PIEZO2: variants seen among roughly 807,000 people sequenced by gnomAD.
PIEZO2 encodes piezo-type mechanosensitive ion channel component 2.
Under a neutral mutation model 337.3 loss-of-function variants are expected in PIEZO2, and 172 were observed. The observed-to-expected ratio is 0.51, with a 90% CI of 0.45 to 0.58. The LOEUF is 0.58. Ranked by LOEUF, PIEZO2 falls within the 20% of genes least tolerant of loss-of-function variation. PIEZO2 has a pLI of 0.00. For synonymous variants in PIEZO2, 1,251 were observed against 1,228.5 expected, an observed-to-expected ratio of 1.02 and a Z score of -0.38; for missense variants, 3,028 against 3,391.3, an observed-to-expected ratio of 0.89 and a Z score of 2.66.
Position 11,066,180 on chromosome 18 carries a change from A to G in PIEZO2, c.107T>C (p.Ile36Thr), listed in dbSNP as rs375901716. The G allele has an allele frequency of 4.6e-6, 7 of 1,536,054 alleles. No homozygotes were observed. Among genetic ancestry groups the G allele is most frequent in the Non-Finnish European group, 5.2e-6 (6 of 1,146,338 alleles). ...RYNGLSFVYL[I>T]YLLLIPLFSE... is the part of the protein sequence containing the mutation. ...GAACAGAGGAATGAGCAAGAGGTAG[A>G]TAAGGTAGACAAAGGAGAGCCCATT... Residue 36 changes from isoleucine to threonine, a missense_variant, in exon 2 of 56, where the codon ATC becomes ACC. Transcript: ENST00000674853.
At chr18:11,107,780 G>A (rs2039612929) in intron 1 of PIEZO2, among the ~76,000 whole-genome samples, 1 of 152,198 alleles carries the variant, frequency 6.6e-6, no homozygotes, top group African/African-American at 2.4e-5. Flanking sequence ...TTGGAAGTAT[G>A]ATTTAATTAT....
rs1408872617 is a variant in PIEZO2 at position 10,878,393 on chromosome 18, C to T, written c.330-6978G>A. ...GTAATTCAGCTCGGGGAAGATAATA[C>T]ACAAACACTAAGAGGAGGGAACATT... On this transcript the variant is annotated intron_variant, in intron 4 of 55. Transcript: ENST00000674853. This position sits in a 1 kb window ranked among gnomAD's most constrained non-coding sequence, Gnocchi z 4.3. 6.6e-6 allele frequency among the ~76,000 whole-genome samples: 1 copy of T among 152,198 alleles called. No homozygotes were observed. The highest frequency in any genetic ancestry group is 1.5e-5 in the Non-Finnish European group (1 of 68,034).
chr18:10,889,532 T>A (rs2042697999), intron 4 of PIEZO2, among the ~76,000 whole-genome samples: 1 of 152,216 alleles, frequency 6.6e-6, no homozygotes, highest in Non-Finnish European at 1.5e-5. Flanking sequence ...AGAATAATAA[T>A]CTGCATTTTA....
intron 2 of PIEZO2, among the ~76,000 whole-genome samples, chr18:11,055,636 T>G (rs2037705670): frequency 6.6e-6 from 1 of 152,162 alleles, no homozygotes; most frequent in South Asian, 2.1e-4. Flanking sequence ...TGTGTAGTAA[T>G]TTTATATTTT....
rs1279659565 is a variant in PIEZO2, at chr18:11,097,573, A to G, written c.65-31351T>C. Among the ~76,000 whole-genome samples the G allele has an allele frequency of 6.6e-6, 1 of 152,234 alleles. No individual in the cohort carries two copies. The highest frequency in any genetic ancestry group is 1.5e-5 in the Non-Finnish European group (1 of 68,036). On this transcript the variant is annotated intron_variant, in intron 1 of 55. Coordinates refer to ENST00000674853, the MANE Select transcript of PIEZO2 (RefSeq NM_001378183.1). The surrounding 1 kb of genome is among the most constrained non-coding windows in gnomAD (Gnocchi z 5.0). ...TTTGAAGACAGCAAAAGCTATTTAG[A>G]GGAGTACAGCCTAATCACCACCACC...
At chr18:11,034,415 C>A (rs2036851503) in intron 2 of PIEZO2, among the ~76,000 whole-genome samples, 1 of 151,886 alleles carries the variant, frequency 6.6e-6, no homozygotes, top group Non-Finnish European at 1.5e-5. Context: ...GCCTTAGCCT[C>A]CTGAGTAGCT....
chr18:11,051,978 C>T (rs1159552431), intron 2 of PIEZO2, among the ~76,000 whole-genome samples: 2 of 152,356 alleles, frequency 1.3e-5, no homozygotes, highest in Admixed American at 6.5e-5. Context: ...CCAGGTCTCA[C>T]TGAGGCAGTT....
intron 7 of PIEZO2, among the ~76,000 whole-genome samples, chr18:10,831,876 G>A (rs1056500017): frequency 2.6e-5 from 4 of 152,178 alleles, no homozygotes; most frequent in Admixed American, 6.5e-5. Flanking sequence ...TCTGGGTGAG[G>A]TTCAGGGGTA....
rs182856697 is a variant in PIEZO2, at chr18:10,828,990, C to T, written c.918-21716G>A. Among the ~76,000 whole-genome samples the T allele has an allele frequency of 4.8e-3, 732 of 152,280 alleles. 7 individuals carry two copies. The highest frequency in any genetic ancestry group is 0.017 in the African/African-American group (695 of 41,550). ...TCTCCTCTCAACCATTCACTCCTTA[C>T]TTAATTCAAGTGGTGGGCATTCCCT... On this transcript the variant is annotated intron_variant, in intron 7 of 55. Coordinates refer to ENST00000674853, the MANE Select transcript of PIEZO2 (RefSeq NM_001378183.1). This position sits in a 1 kb window ranked among gnomAD's most constrained non-coding sequence, Gnocchi z 4.1.
intron 3 of PIEZO2, among the ~76,000 whole-genome samples, chr18:10,946,685 C>T (rs1331323681): frequency 2.0e-5 from 3 of 152,188 alleles, no homozygotes; most frequent in African/African-American, 7.2e-5. Context: ...TAGTGGAAAG[C>T]TGAACATATA....
chr18:11,082,908 C>T (rs1237298259), intron 1 of PIEZO2, among the ~76,000 whole-genome samples: 1 of 152,186 alleles, frequency 6.6e-6, no homozygotes, highest in African/African-American at 2.4e-5. Flanking sequence ...GAAAAGACCA[C>T]AATTTGATTC....
At chr18:11,072,520 T>C (rs2145943348) in intron 1 of PIEZO2, among the ~76,000 whole-genome samples, 1 of 152,350 alleles carries the variant, frequency 6.6e-6, no homozygotes, top group South Asian at 2.1e-4. Context: ...TTAAAGAGCA[T>C]GCATAGTGCA....
rs2042170734 is a variant in PIEZO2 at position 10,872,808 on chromosome 18, T to C, written c.330-1393A>G. On this transcript the variant is annotated intron_variant, in intron 4 of 55. Coordinates refer to ENST00000674853, the MANE Select transcript of PIEZO2 (RefSeq NM_001378183.1). This position sits in a 1 kb window ranked among gnomAD's most constrained non-coding sequence, Gnocchi z 4.3. ...AAGCTAATGAAATGACTAGGTGATA[T>C]GAAGAAAAAGTTATACAGACTTAGG... Among the ~76,000 whole-genome samples, 1 of 152,114 alleles carries C rather than the reference T, an allele frequency of 6.6e-6. No individual in the cohort carries two copies.
rs376907939 is a variant in PIEZO2, at chr18:10,860,985, G to A, written c.493-3774C>T. Reference sequence around the variant, plus strand: ...CCAAGCTGAGAGCCAAGAGCGAGACGGGTTAGACTCTGTGAGCCCCTACTG... The same window carrying A: ...CCAAGCTGAGAGCCAAGAGCGAGACAGGTTAGACTCTGTGAGCCCCTACTG... On this transcript the variant is annotated intron_variant, in intron 5 of 55. Transcript: ENST00000674853. 4.5e-4 allele frequency among the ~76,000 whole-genome samples: 69 copies of A among 152,320 alleles called. 2 individuals carry two copies. In the South Asian group the frequency reaches 0.012, roughly 27 times the overall value.
rs2036773978 is a variant in PIEZO2 at position 11,032,373 on chromosome 18, G to C, written c.160+33754C>G. On this transcript the variant is annotated intron_variant, in intron 2 of 55. Transcript: ENST00000674853. The surrounding 1 kb of genome is among the most constrained non-coding windows in gnomAD (Gnocchi z 4.9). Reference sequence around the variant, plus strand: ...TTCATTTCCGTGTCTGCAGACAGAAGGTAATGGCATCTCTCCATTATATCC... The same window carrying C: ...TTCATTTCCGTGTCTGCAGACAGAACGTAATGGCATCTCTCCATTATATCC... Among the ~76,000 whole-genome samples, 1 of 152,150 alleles carries C rather than the reference G, an allele frequency of 6.6e-6. No homozygotes were observed. Among genetic ancestry groups the C allele is most frequent in the Admixed American group, 6.5e-5 (1 of 15,268 alleles).
chr18:11,019,342 G>T (rs2036232209), intron 2 of PIEZO2, among the ~76,000 whole-genome samples: 1 of 152,180 alleles, frequency 6.6e-6, no homozygotes. Context: ...TATGGTGTCT[G>T]CCAAGGCCCA....
Position 10,699,217 on chromosome 18 carries a change from C to T in PIEZO2, c.6442-40G>A, listed in dbSNP as rs745663839. ...ACAGGGACAAATGAGGCTACTGTTT[C>T]AGGTGGAACCCTTGGTATTCTGTCT... On this transcript the variant is annotated intron_variant, in intron 43 of 55. Transcript: ENST00000674853. 9.8e-6 allele frequency: 15 copies of T among 1,534,586 alleles called. No homozygotes were observed. In the South Asian group the frequency reaches 1.4e-4, roughly 15 times the overall value.
intron 31 of PIEZO2, among the ~76,000 whole-genome samples, chr18:10,743,378 T>C (rs1301370825): frequency 6.6e-6 from 1 of 152,174 alleles, no homozygotes; most frequent in Non-Finnish European, 1.5e-5. Flanking sequence ...TATAATTCCA[T>C]GGCCATCACC....
Position 11,029,680 on chromosome 18 carries a change from C to T in PIEZO2, c.160+36447G>A, listed in dbSNP as rs556194662. On this transcript the variant is annotated intron_variant, in intron 2 of 55. Coordinates refer to ENST00000674853, the MANE Select transcript of PIEZO2 (RefSeq NM_001378183.1). ...CTTTCTTCCTTCATTCCTCCCCAGG[C>T]CAACGTTTTTTGTGTCTCAGGGCCT... Among the ~76,000 whole-genome samples the T allele has an allele frequency of 5.0e-4, 76 of 152,248 alleles. 1 individual carries two copies. In the South Asian group the frequency reaches 0.015, roughly 30 times the overall value.
Sources: allele counts gnomAD v4.1 joint callset (sites outside exome capture counted in the v4.1 genomes callset), GRCh38; gene constraint gnomAD v4.1.1; non-coding constraint Gnocchi (gnomAD v3.1); transcripts MANE v1.5; gene names NCBI Gene and HGNC (gene_info 2026-07-23, HGNC 2026-07-21).